HSPA12A: variants seen among roughly 807,000 people sequenced by gnomAD.
HSPA12A encodes the protein heat shock protein family A (Hsp70) member 12A, also known as heat shock 70 kDa protein 12A.
HSPA12A carries 28 observed loss-of-function variants against 69.2 expected under a neutral mutation model. The observed-to-expected ratio is 0.40, with a 90% CI of 0.30 to 0.55. HSPA12A has a LOEUF of 0.55. HSPA12A is among the 20% of genes least tolerant of loss of function. The pLI is 0.38. For synonymous variants in HSPA12A, 345 were observed against 370.5 expected (o/e 0.93, Z 0.79); for missense variants, 686 against 900.7 (o/e 0.76, Z 3.05).
upstream of HSPA12A, among the ~76,000 whole-genome samples, chr10:116,744,411 G>A (rs1452006416): frequency 6.6e-6 from 1 of 152,200 alleles, no homozygotes; most frequent in Non-Finnish European, 1.5e-5. Flanking sequence ...CAGGACATTG[G>A]CCTTGACAGC....
intron 6 of HSPA12A, among the ~76,000 whole-genome samples, chr10:116,690,454 G>T (rs150209709): frequency 2.0e-5 from 3 of 152,240 alleles, no homozygotes; most frequent in Admixed American, 6.5e-5. Context: ...TCCACTCAGC[G>T]GCTGTCAATG....
chr10:116,712,906 C>T (rs1161106183), intron 1 of HSPA12A, among the ~76,000 whole-genome samples: 1 of 146,488 alleles, frequency 6.8e-6, no homozygotes, highest in African/African-American at 2.5e-5. Flanking sequence ...TTCAGATTTA[C>T]GTATCCATCA....
At chr10:116,772,152 G>A (rs1844226573) in intron 2 of HSPA12A, among the ~76,000 whole-genome samples, 1 of 152,176 alleles carries the variant, frequency 6.6e-6, no homozygotes. Flanking sequence ...AATGACCTGG[G>A]TGTCTCTGGG....
intron 1 of HSPA12A, among the ~76,000 whole-genome samples, chr10:116,836,774 C>T (rs1391476230): frequency 1.6e-4 from 23 of 147,346 alleles, no homozygotes; most frequent in African/African-American, 6.0e-4. Context: ...ACCGAACACA[C>T]ACACACACAC....
At position 116,827,236 on chromosome 10, in the gene HSPA12A, A is replaced by C. The variant is rs200635656; in HGVS notation, c.91+7699T>G. The stretch of plus-strand genomic sequence containing the variant: ...AAAGGGACATTTTGACAACATAAGG[A>C]GCTTTCTTTGGCTCCAAATTCCCCC... On this transcript the variant is annotated intron_variant, in intron 2 of 12. Coordinates refer to the HSPA12A transcript ENST00000635765. Among the ~76,000 whole-genome samples the C allele has an allele frequency of 4.6e-5, 7 of 152,286 alleles. No individual in the cohort carries two copies. The East Asian group carries it at 1.4e-3, about 29-fold the overall frequency.
chr10:116,679,479 C>T, intron 10 of HSPA12A, 24 bp downstream of exon 10: 1 of 1,609,236 alleles, frequency 6.2e-7, no homozygotes, highest in South Asian at 1.1e-5. Flanking sequence ...ATGTCCAGAG[C>T]CCGAGGTGAT....
At chr10:116,722,308 G>A (rs1554884474) in intron 1 of HSPA12A, among the ~76,000 whole-genome samples, 2 of 152,202 alleles carry the variant, frequency 1.3e-5, no homozygotes. Flanking sequence ...CCACGGTGCT[G>A]ACTGCTGGGA....
chr10:116,716,454 G>A (rs1554883789), intron 1 of HSPA12A, among the ~76,000 whole-genome samples: 2 of 151,658 alleles, frequency 1.3e-5, no homozygotes, highest in Non-Finnish European at 2.9e-5. Context: ...GTTGGGGGGT[G>A]GGGTGGGGGG....
chr10:116,726,366 T>C (rs1850962337), intron 1 of HSPA12A, among the ~76,000 whole-genome samples: 1 of 151,874 alleles, frequency 6.6e-6, no homozygotes, highest in Admixed American at 6.6e-5. Flanking sequence ...CCCTCCTCCA[T>C]CTCAGCTGCT....
chr10:116,684,007 G>A (rs1021468808), intron 6 of HSPA12A, 45 bp from the exon 7 acceptor site: 17 of 1,485,502 alleles, frequency 1.1e-5, no homozygotes, highest in East Asian at 4.7e-5. Flanking sequence ...CCCCTGGGCC[G>A]GCCTGCTCCT....
intron 2 of HSPA12A, chr10:116,830,765 C>T (rs1310701592): frequency 7.1e-6 from 1 of 140,060 alleles, no homozygotes; most frequent in African/African-American, 3.3e-5. Context: ...AGAGCAAGAC[C>T]CTGTCTCAAA....
Position 116,848,373 on chromosome 10 carries a change from C to T in HSPA12A, c.3+1193G>A, listed in dbSNP as rs1845940479. Among the ~76,000 whole-genome samples the T allele has an allele frequency of 2.6e-5, 4 of 152,376 alleles. No homozygotes were observed. The South Asian group carries it at 8.3e-4, about 32-fold the overall frequency. ...CTTATAGCATCACATTTTTATGCAT[C>T]TGCACCCATACGTGCATGTATTGAA... On this transcript the variant is annotated intron_variant, in intron 1 of 12. Coordinates refer to the HSPA12A transcript ENST00000635765.
At chr10:116,848,145 C>G (rs1392168006) in intron 1 of HSPA12A, among the ~76,000 whole-genome samples, 1 of 152,278 alleles carries the variant, frequency 6.6e-6, no homozygotes, top group Non-Finnish European at 1.5e-5. Context: ...AGCACATCCT[C>G]TGCCCTTGCA....
At chr10:116,786,115 G>A (rs1466168644) in intron 2 of HSPA12A, among the ~76,000 whole-genome samples, 1 of 152,164 alleles carries the variant, frequency 6.6e-6, no homozygotes, top group African/African-American at 2.4e-5. Flanking sequence ...GAGCCTCTCG[G>A]GTAATTACGC....
chr10:116,681,908 G>A (rs1480946287), intron 7 of HSPA12A, 31 bp from the exon 8 acceptor site: 5 of 1,596,360 alleles, frequency 3.1e-6, no homozygotes, highest in Non-Finnish European at 4.3e-6. Context: ...AATGATGACG[G>A]GTAAGAAAGC....
intron 6 of HSPA12A, among the ~76,000 whole-genome samples, chr10:116,684,955 C>T (rs969412303): frequency 6.6e-5 from 10 of 152,210 alleles, no homozygotes; most frequent in African/African-American, 2.4e-4. Flanking sequence ...AACCAGGTCC[C>T]TGGCACCTCT....
chr10:116,773,275 CA>C (rs1293459983), intron 2 of HSPA12A, among the ~76,000 whole-genome samples: 1 of 150,574 alleles, frequency 6.6e-6, no homozygotes, highest in African/African-American at 2.5e-5. Context: ...TGCTAATGAG[CA>C]AAGGCTTCAG....
chr10:116,706,865 G>A (rs895823493), intron 2 of HSPA12A, among the ~76,000 whole-genome samples: 1 of 152,188 alleles, frequency 6.6e-6, no homozygotes, highest in Non-Finnish European at 1.5e-5. Context: ...TTCCTCTCAA[G>A]AGGACACCTC....
At chr10:116,838,450 T>C (rs753813225) in intron 1 of HSPA12A, among the ~76,000 whole-genome samples, 2 of 152,078 alleles carry the variant, frequency 1.3e-5, no homozygotes, top group African/African-American at 2.4e-5. Flanking sequence ...ACATTTGAAG[T>C]GGAGAAAAAC....
Sources: gnomAD v4.1 joint callset for allele counts (sites outside exome capture counted in the v4.1 genomes callset) on GRCh38, gnomAD v4.1.1 for gene constraint, MANE v1.5 for transcripts, NCBI Gene and HGNC (gene_info 2026-07-23, HGNC 2026-07-21) for gene names.